Variants in SLC19A1 observed in about 807,000 individuals in gnomAD.
SLC19A1 encodes the protein reduced folate transporter.
In SLC19A1, 37 loss-of-function variants were observed where a neutral mutation model predicts 35.3. The observed-to-expected ratio is 1.05, with a 90% confidence interval of 0.81 to 1.38. The LOEUF (loss-of-function observed/expected upper bound fraction) is 1.38. SLC19A1 is among the 40% of genes most tolerant of loss of function. The probability of loss-of-function intolerance (pLI) is 0.00; values close to 1 mark genes in which losing one functional copy is unlikely to be tolerated. For missense variants in SLC19A1, 831 were observed against 826.9 expected (o/e 1.00, Z -0.06); for synonymous variants, 460 against 398.5 (o/e 1.15, Z -1.84).
At position 45,534,466 on chromosome 21, in the gene SLC19A1, G is replaced by A. The variant is rs1240172151; in HGVS notation, c.190-2318C>T. On this transcript the variant is annotated intron_variant, in intron 2 of 5. Transcript: ENST00000311124. This position sits in a 1 kb window ranked among gnomAD's most constrained non-coding sequence, Gnocchi z 4.2. ...CCAGAGTCAAAATGGTAGACAGCCA[G>A]CAGAGAGGCTCTCCCCAGACCCCAC... 15 of 1,194,218 alleles carry A rather than the reference G, an allele frequency of 1.3e-5. No individual in the cohort carries two copies. Among genetic ancestry groups the A allele is most frequent in the Middle Eastern group, 3.8e-4 (2 of 5,322 alleles). The allele number at this position is 1,194,218 out of a possible 1,614,324, so 74.0% of individuals were successfully genotyped here.
chr21:45,515,570 C>G lies in SLC19A1; in HGVS notation c.*88G>C. 6.3e-7 allele frequency: 1 copy of G among 1,579,852 alleles called. No individual in the cohort carries two copies. Among genetic ancestry groups the G allele is most frequent in the Admixed American group, 1.9e-5 (1 of 53,590 alleles). On this transcript the variant is annotated 3_prime_UTR_variant, in exon 6 of 6. Transcript: ENST00000311124. ...CTGCTAGCAGGATAAGCGGAGGCCC[C>G]CATTGCTAAGGCAGGCGGCCCTCGA...
chr21:45,561,023 A>G (rs889117021), intron 1 of SLC19A1, among the ~76,000 whole-genome samples: 6 of 152,344 alleles, frequency 3.9e-5, no homozygotes, highest in African/African-American at 1.4e-4. Flanking sequence ...TGTGCAAAGG[A>G]AGAAGGAAAG....
At chr21:45,524,890 G>A (rs1023558487) in intron 5 of SLC19A1, among the ~76,000 whole-genome samples, 1 of 151,956 alleles carries the variant, frequency 6.6e-6, no homozygotes, top group African/African-American at 2.4e-5. Flanking sequence ...AGACTCACCC[G>A]CCCTGAGTGT....
downstream of SLC19A1, chr21:45,511,113 C>G (rs747253925): frequency 1.3e-6 from 2 of 1,541,376 alleles, no homozygotes; most frequent in South Asian, 1.2e-5. Flanking sequence ...TCTTCCAGGA[C>G]GAGCTGCTGT....
At chr21:45,511,651 C>T (rs545191565), downstream of SLC19A1, among the ~76,000 whole-genome samples, 2 of 152,242 alleles carry the variant, frequency 1.3e-5, no homozygotes, top group Non-Finnish European at 2.9e-5. Context: ...CGCTTCGTCC[C>T]AAATGTCGCT....
intron 1 of SLC19A1, among the ~76,000 whole-genome samples, chr21:45,562,099 C>CCAG (rs1448199980): frequency 1.4e-5 from 2 of 144,616 alleles, no homozygotes; most frequent in African/African-American, 5.1e-5. Context: ...CCATTGCACT[C>CCAG]CAGTCTGGCA....
Position 45,553,182 on chromosome 21 carries a change from G to A in SLC19A1, c.-50+9560C>T, listed in dbSNP as rs114752393. On this transcript the variant is annotated intron_variant, in intron 1 of 5. Transcript: ENST00000650808. ...GGGTGCAGTTTTGTAAGCAGAGGCT[G>A]GGGCTGGGTCCTGCCCTGCAAGCTC... 4.2e-3 allele frequency among the ~76,000 whole-genome samples: 647 copies of A among 152,258 alleles called. 6 individuals carry two copies. The highest frequency in any genetic ancestry group is 0.015 in the African/African-American group (614 of 41,536).
intron 5 of SLC19A1, 74 bp downstream of exon 5, chr21:45,525,743 G>T: frequency 6.5e-7 from 1 of 1,540,520 alleles, no homozygotes; most frequent in Non-Finnish European, 8.8e-7. Context: ...ACATCAGGCG[G>T]GCACCAGGAG....
intron 1 of SLC19A1, among the ~76,000 whole-genome samples, chr21:45,549,889 C>T (rs1449172643): frequency 1.3e-5 from 2 of 151,900 alleles, no homozygotes; most frequent in Admixed American, 6.5e-5. Flanking sequence ...CCAGTATGCT[C>T]CAGCCACGTA....
intron 5 of SLC19A1, among the ~76,000 whole-genome samples, chr21:45,518,842 C>A (rs1221668910): frequency 6.6e-6 from 1 of 152,068 alleles, no homozygotes; most frequent in Admixed American, 6.5e-5. Context: ...ACCAGCAGAT[C>A]TGTCTAAAAT....
downstream of SLC19A1, among the ~76,000 whole-genome samples, chr21:45,508,222 G>T (rs1220172793): frequency 6.8e-6 from 1 of 146,740 alleles, no homozygotes. Context: ...GAATGGGTGG[G>T]TGGATAGTGG....
rs779617600 is a variant in SLC19A1 at position 45,533,033 on chromosome 21, T to C, written c.190-885A>G. Among the ~76,000 whole-genome samples the C allele has an allele frequency of 6.0e-4, 91 of 152,198 alleles. No individual in the cohort carries two copies. Among genetic ancestry groups the C allele is most frequent in the South Asian group, 6.2e-4 (3 of 4,824 alleles). On this transcript the variant is annotated intron_variant, in intron 2 of 5. Transcript: ENST00000311124. The surrounding 1 kb of genome is among the most constrained non-coding windows in gnomAD (Gnocchi z 4.5). ...GCTGTGCACTCCCATCTCACACTTG[T>C]CCCCAGAGCAAGGTCTTTAAGGCCA...
chr21:45,505,445 C>CA lies in SLC19A1; in HGVS notation c.498-6834dup. On this transcript the variant is annotated intron_variant, in intron 3 of 4. Coordinates refer to the SLC19A1 transcript ENST00000417954. Reference sequence around the variant, plus strand: ...GCCTCCTCAGGGGTAAGTGTCTGGGCAGCCGGCTGGGCACCTGCGTCCCGT... The same window carrying CA: ...GCCTCCTCAGGGGTAAGTGTCTGGGCAAGCCGGCTGGGCACCTGCGTCCCGT... 1 of 1,469,378 alleles carries CA rather than the reference C, an allele frequency of 6.8e-7. No individual in the cohort carries two copies. The highest frequency in any genetic ancestry group is 9.4e-7 in the Non-Finnish European group (1 of 1,066,548). The allele number at this position is 1,469,378 out of a possible 1,614,324, so 91.0% of individuals were successfully genotyped here.
chr21:45,548,441 C>T (rs1351189264), upstream of SLC19A1, among the ~76,000 whole-genome samples: 1 of 152,186 alleles, frequency 6.6e-6, no homozygotes, highest in Admixed American at 6.5e-5. Flanking sequence ...AAATAGCCCA[C>T]TTCTTAAAAC....
intron 3 of SLC19A1, chr21:45,504,120 C>T: frequency 6.4e-7 from 1 of 1,558,082 alleles, no homozygotes; most frequent in South Asian, 1.1e-5. Flanking sequence ...GTGGCTGCTC[C>T]CAATTTCTCG....
At chr21:45,505,709 C>A in intron 3 of SLC19A1, 1 of 781,764 alleles carries the variant, frequency 1.3e-6, no homozygotes, top group Non-Finnish European at 2.1e-6. Context: ...TGGGGGCAGC[C>A]GCCTCAGTCC....
At chr21:45,545,890 C>T (rs755835947), upstream of SLC19A1, among the ~76,000 whole-genome samples, 13 of 152,198 alleles carry the variant, frequency 8.5e-5, no homozygotes, top group African/African-American at 1.7e-4. Context: ...GGTAGAGGTG[C>T]GGTGCGCCCT....
At chr21:45,522,975 G>A (rs1239671949) in intron 5 of SLC19A1, among the ~76,000 whole-genome samples, 2 of 152,138 alleles carry the variant, frequency 1.3e-5, no homozygotes, top group Non-Finnish European at 2.9e-5. Flanking sequence ...TGTGAAAACT[G>A]GGTACGGGGT....
At chr21:45,542,850 T>C (rs1569023184), upstream of SLC19A1, among the ~76,000 whole-genome samples, 1 of 151,560 alleles carries the variant, frequency 6.6e-6, no homozygotes, top group Admixed American at 6.6e-5. Flanking sequence ...GTTTTCCTTT[T>C]GGCACCCTGG....
Sources: allele counts gnomAD v4.1 joint callset (sites outside exome capture counted in the v4.1 genomes callset), GRCh38; gene constraint gnomAD v4.1.1; non-coding constraint Gnocchi (gnomAD v3.1); transcripts MANE v1.5; gene names NCBI Gene and HGNC (gene_info 2026-07-23, HGNC 2026-07-21).